Variants in CCDC6 observed in about 807,000 individuals in gnomAD.
The protein encoded by CCDC6 is coiled-coil domain containing 6.
Under a neutral mutation model 56.6 loss-of-function variants are expected in CCDC6, and 20 were observed. The ratio of observed to expected loss-of-function variants is 0.35; its 90% CI spans 0.25 to 0.51. The LOEUF is 0.51. CCDC6 is among the 20% of genes least tolerant of loss of function. CCDC6 has a pLI of 0.95. For missense variants in CCDC6, 367 were observed against 601.1 expected (o/e 0.61, Z 4.07); for synonymous variants, 241 against 234.4 (o/e 1.03, Z -0.26).
chr10:59,836,541 T>A lies in CCDC6; in HGVS notation c.454-3888A>T, dbSNP rs192596863. Among the ~76,000 whole-genome samples, 7 of 152,360 alleles carry A rather than the reference T, an allele frequency of 4.6e-5. No individual in the cohort carries two copies. In the East Asian group the frequency reaches 1.2e-3, roughly 25 times the overall value. On this transcript the variant is annotated intron_variant, in intron 2 of 8. Transcript: ENST00000263102. ...CAAAGATCCTGAACTAGAACAAGAA[T>A]TATTCCATCTAATAATAATCAAGCA...
chr10:59,807,336 T>C (rs113552323), intron 5 of CCDC6, among the ~76,000 whole-genome samples: 1 of 151,996 alleles, frequency 6.6e-6, no homozygotes, highest in Non-Finnish European at 1.5e-5. Flanking sequence ...AATACAAACA[T>C]TAGCTGGGCG....
intron 1 of CCDC6, among the ~76,000 whole-genome samples, chr10:59,870,930 C>T (rs1021209212): frequency 1.4e-4 from 22 of 152,248 alleles, no homozygotes; most frequent in Admixed American, 3.9e-4. Flanking sequence ...ATTTGGGGGT[C>T]TCCCCATCAG....
Position 59,817,941 on chromosome 10 carries a change from T to C in CCDC6, c.583-3186A>G, listed in dbSNP as rs16914211. Among the ~76,000 whole-genome samples, 836 of 152,106 alleles carry C rather than the reference T, an allele frequency of 5.5e-3. 9 individuals are homozygous for C. The highest frequency in any genetic ancestry group is 0.03 in the East Asian group (153 of 5,162). On this transcript the variant is annotated intron_variant, in intron 3 of 8. Transcript: ENST00000263102. Reference sequence around the variant, plus strand: ...TTAGAGCCAGAAGCAGCATGGCAAATCATCATTTTAAAGCTGAGGAAACCA... The same window carrying C: ...TTAGAGCCAGAAGCAGCATGGCAAACCATCATTTTAAAGCTGAGGAAACCA...
intron 7 of CCDC6, among the ~76,000 whole-genome samples, chr10:59,801,938 C>G (rs1180529492): frequency 1.3e-5 from 2 of 152,132 alleles, no homozygotes; most frequent in Admixed American, 1.3e-4. Context: ...AGTGCCCCAG[C>G]TCTAGAAACA....
intron 1 of CCDC6, among the ~76,000 whole-genome samples, chr10:59,857,143 C>T (rs919454019): frequency 6.6e-6 from 1 of 152,084 alleles, no homozygotes; most frequent in Non-Finnish European, 1.5e-5. Context: ...TCATTCTTTT[C>T]CCATCCTACT....
intron 3 of CCDC6, among the ~76,000 whole-genome samples, chr10:59,830,807 C>T (rs534279382): frequency 1.3e-5 from 2 of 152,330 alleles, no homozygotes; most frequent in African/African-American, 2.4e-5. Flanking sequence ...TAGGCCACTA[C>T]CTCCCCCTTG....
chr10:59,819,748 A>G (rs923313281), intron 3 of CCDC6, among the ~76,000 whole-genome samples: 4 of 152,074 alleles, frequency 2.6e-5, no homozygotes, highest in Admixed American at 6.6e-5. Context: ...TCACTTTTTT[A>G]AAAAAATTGG....
At position 59,888,303 on chromosome 10, in the gene CCDC6, T is replaced by C. The variant is rs565621700; in HGVS notation, c.303+17819A>G. Among the ~76,000 whole-genome samples, 7 of 152,376 alleles carry C rather than the reference T, an allele frequency of 4.6e-5. No individual in the cohort carries two copies. The East Asian group carries it at 1.2e-3, about 25-fold the overall frequency. On this transcript the variant is annotated intron_variant, in intron 1 of 8. Transcript: ENST00000263102. Reference sequence around the variant, plus strand: ...TCAGCTAGAAGCTTCCAGGGAAGGCTGGCTGCACAGGATGCCTCACTTCAG... The same window carrying C: ...TCAGCTAGAAGCTTCCAGGGAAGGCCGGCTGCACAGGATGCCTCACTTCAG...
intron 2 of CCDC6, among the ~76,000 whole-genome samples, chr10:59,843,535 C>T (rs2070961311): frequency 6.6e-6 from 1 of 152,168 alleles, no homozygotes; most frequent in African/African-American, 2.4e-5. Context: ...ATAGTATACG[C>T]CCGGTAATTC....
In CCDC6 at chr10:59,795,663, T is replaced by G. The variant is rs922400327; in HGVS notation, c.1106-1066A>C. On this transcript the variant is annotated intron_variant, in intron 7 of 8. Coordinates refer to ENST00000263102, the MANE Select transcript of CCDC6 (RefSeq NM_005436.5). ...AACAGTCCCTAGAGTGTGATGTTAT[T>G]CCCCTTCCTGTGTCCATGTGTTCTC... Among the ~76,000 whole-genome samples the G allele has an allele frequency of 9.2e-4, 119 of 130,000 alleles. 1 individual carries two copies. Among genetic ancestry groups the G allele is most frequent in the South Asian group, 1.3e-3 (5 of 3,850 alleles). The allele number at this position is 130,000 out of a possible 152,430, so 85.3% of individuals were successfully genotyped here.
chr10:59,793,001 T>A lies in CCDC6; in HGVS notation c.1341A>T (p.Pro447=), dbSNP rs2070482133. Residue 447 remains proline (P), a synonymous_variant, in exon 9 of 9, where the codon CCA becomes CCT. Coordinates refer to ENST00000263102, the MANE Select transcript of CCDC6 (RefSeq NM_005436.5). The stretch of plus-strand genomic sequence containing the variant: ...CTGAGGGGACCGTGGGCTGCATGGG[T>A]GGCGGAGGTGGAGGCGGAGGTGGCT... ...PVQPPPPPPP[P]PMQPTVPSAA... is the part of the protein sequence containing the mutation. 1.2e-6 allele frequency: 2 copies of A among 1,612,640 alleles called. No individual in the cohort carries two copies. The highest frequency in any genetic ancestry group is 1.7e-6 in the Non-Finnish European group (2 of 1,178,972).
At chr10:59,834,339 C>A (rs1009140962) in intron 2 of CCDC6, among the ~76,000 whole-genome samples, 1 of 151,948 alleles carries the variant, frequency 6.6e-6, no homozygotes, top group Non-Finnish European at 1.5e-5. Context: ...TCAAGACCAG[C>A]CTGACCAACA....
At chr10:59,869,296 C>A (rs1013040682) in intron 1 of CCDC6, among the ~76,000 whole-genome samples, 4 of 143,600 alleles carry the variant, frequency 2.8e-5, no homozygotes, top group African/African-American at 1.0e-4. Flanking sequence ...ACCACCTGGA[C>A]AGCATATAGG....
chr10:59,865,528 G>A (rs1043762195), intron 1 of CCDC6, among the ~76,000 whole-genome samples: 7 of 152,152 alleles, frequency 4.6e-5, no homozygotes, highest in African/African-American at 1.7e-4. Context: ...ATCTCCATTT[G>A]GAGGTTGAAT....
chr10:59,861,290 T>C (rs1404911510), intron 1 of CCDC6, among the ~76,000 whole-genome samples: 1 of 151,984 alleles, frequency 6.6e-6, no homozygotes, highest in African/African-American at 2.4e-5. Flanking sequence ...CCCAGAAAGG[T>C]TGAGGCTGCA....
chr10:59,846,538 C>T (rs533524616), intron 2 of CCDC6, among the ~76,000 whole-genome samples: 16 of 152,144 alleles, frequency 1.1e-4, no homozygotes, highest in African/African-American at 3.4e-4. Context: ...AAAAATAAGC[C>T]GTATCATCTT....
intron 1 of CCDC6, among the ~76,000 whole-genome samples, chr10:59,905,580 C>A (rs1449571317): frequency 6.6e-6 from 1 of 152,192 alleles, no homozygotes; most frequent in East Asian, 1.9e-4. Context: ...CCAGAAAACT[C>A]CACTTCCCGG....
chr10:59,872,947 G>A (rs2071244181), intron 1 of CCDC6, among the ~76,000 whole-genome samples: 1 of 152,280 alleles, frequency 6.6e-6, no homozygotes, highest in East Asian at 1.9e-4. Context: ...ACTGAAAACC[G>A]AAAGCTACAT....
chr10:59,893,659 CATACATACAAT>C (rs1383361859), intron 1 of CCDC6, among the ~76,000 whole-genome samples: 1 of 138,556 alleles, frequency 7.2e-6, no homozygotes, highest in Non-Finnish European at 1.6e-5. Context: ...TACATACATA[CATACATACAAT>C]GAGCACTGTT....
Sources: allele counts gnomAD v4.1 joint callset (sites outside exome capture counted in the v4.1 genomes callset), GRCh38; gene constraint gnomAD v4.1.1; transcripts MANE v1.5; gene names NCBI Gene and HGNC (gene_info 2026-07-23, HGNC 2026-07-21).